PLCH1: variants seen among roughly 807,000 people sequenced by gnomAD.
The protein encoded by PLCH1 is phospholipase C eta 1.
PLCH1 carries 60 observed loss-of-function variants against 126.7 expected under a neutral mutation model. The observed-to-expected ratio is 0.47, with a 90% confidence interval of 0.38 to 0.59. The LOEUF is 0.59. Ranked by LOEUF, PLCH1 falls within the 20% of genes least tolerant of loss-of-function variation. The pLI is 0.00. For synonymous variants in PLCH1, 719 were observed against 734.9 expected, an observed-to-expected ratio of 0.98 and a Z score of 0.35; for missense variants, 1,723 against 2,040.0, an observed-to-expected ratio of 0.84 and a Z score of 2.99.
Position 155,673,342 on chromosome 3 carries a change from G to A in PLCH1, c.79+30804C>T, listed in dbSNP as rs550749160. On this transcript the variant is annotated intron_variant, in intron 2 of 22. Coordinates refer to ENST00000460012, the MANE Select transcript of PLCH1 (RefSeq NM_014996.4). ...CTATACCAGAAGTTACTACAAGAGA[G>A]CTAAGTTCTTTTTATTCATCTTCAT... 1.4e-4 allele frequency among the ~76,000 whole-genome samples: 22 copies of A among 152,078 alleles called. No homozygotes were observed. The South Asian group carries it at 4.4e-3, about 30-fold the overall frequency.
chr3:155,606,840 A>G (rs1734430325), intron 2 of PLCH1, among the ~76,000 whole-genome samples: 2 of 152,348 alleles, frequency 1.3e-5, no homozygotes, highest in South Asian at 4.1e-4. Context: ...TAGAGAACCT[A>G]GGATTCAATA....
intron 2 of PLCH1, among the ~76,000 whole-genome samples, chr3:155,702,405 C>T (rs1459129943): frequency 6.6e-6 from 1 of 152,014 alleles, no homozygotes; most frequent in Non-Finnish European, 1.5e-5. Flanking sequence ...TGGAATTAGG[C>T]AGATCAGGAT....
intron 21 of PLCH1, among the ~76,000 whole-genome samples, chr3:155,473,837 A>G (rs1713397452): frequency 6.6e-6 from 1 of 151,326 alleles, no homozygotes; most frequent in Admixed American, 6.6e-5. Flanking sequence ...AGGATTCCCT[A>G]TTTAATAAAT....
chr3:155,458,552 AAG>A (rs1712582662), intron 21 of PLCH1, among the ~76,000 whole-genome samples: 1 of 136,844 alleles, frequency 7.3e-6, no homozygotes, highest in Admixed American at 6.9e-5. Flanking sequence ...AAAAGAAAGA[AAG>A]AGAAAAAGAA....
At chr3:155,547,837 CAACGAGAACACA>C (rs1317695576) in intron 10 of PLCH1, among the ~76,000 whole-genome samples, 1 of 134,748 alleles carries the variant, frequency 7.4e-6, no homozygotes, top group Non-Finnish European at 1.5e-5. Flanking sequence ...GGGAATTGAA[CAACGAGAACACA>C]TGGACACAGG....
intron 1 of PLCH1, among the ~76,000 whole-genome samples, chr3:155,732,379 T>C (rs1748835214): frequency 6.6e-6 from 1 of 151,816 alleles, no homozygotes; most frequent in African/African-American, 2.4e-5. Flanking sequence ...AGACTATTAC[T>C]AGATACAATT....
At chr3:155,716,661 C>T (rs1356825586) in intron 1 of PLCH1, among the ~76,000 whole-genome samples, 1 of 152,174 alleles carries the variant, frequency 6.6e-6, no homozygotes, top group Non-Finnish European at 1.5e-5. Context: ...AGCACCAAGG[C>T]ATGACAGCAC....
chr3:155,730,046 A>G (rs1170366899), intron 1 of PLCH1, among the ~76,000 whole-genome samples: 1 of 152,184 alleles, frequency 6.6e-6, no homozygotes, highest in Non-Finnish European at 1.5e-5. Context: ...ATTTTAACCT[A>G]AGATACTGGT....
chr3:155,456,146 T>G (rs17388692), intron 21 of PLCH1, among the ~76,000 whole-genome samples: 3,643 of 152,268 alleles, frequency 0.024, 68 homozygotes, highest in Non-Finnish European at 0.035. Flanking sequence ...GACCTCCTTC[T>G]CAAAATACTT....
chr3:155,690,767 G>A (rs1048361697), intron 2 of PLCH1, among the ~76,000 whole-genome samples: 1 of 152,114 alleles, frequency 6.6e-6, no homozygotes, highest in Non-Finnish European at 1.5e-5. Flanking sequence ...TGGAGAATAG[G>A]ACAAATTCCT....
intron 14 of PLCH1, 110 bp from the exon 15 acceptor site, chr3:155,497,527 C>T (rs1717230214): frequency 1.3e-6 from 1 of 758,078 alleles, no homozygotes; most frequent in South Asian, 1.6e-5. Context: ...GGAATACCTG[C>T]CCCAGGTCCT....
At chr3:155,669,898 T>G (rs1262386903) in intron 2 of PLCH1, among the ~76,000 whole-genome samples, 11 of 152,200 alleles carry the variant, frequency 7.2e-5, no homozygotes, top group African/African-American at 2.7e-4. Context: ...CATAAAAGTT[T>G]AATTTCTTTA....
chr3:155,615,383 T>C (rs1321515877), intron 2 of PLCH1, among the ~76,000 whole-genome samples: 1 of 152,152 alleles, frequency 6.6e-6, no homozygotes, highest in Non-Finnish European at 1.5e-5. Flanking sequence ...TGGAGATTCC[T>C]TAAAGAACAA....
chr3:155,522,702 T>TTC (rs1331767472), intron 11 of PLCH1, among the ~76,000 whole-genome samples: 2 of 100,504 alleles, frequency 2.0e-5, no homozygotes, highest in African/African-American at 3.9e-5. Context: ...TATACAAAAT[T>TTC]TCTCTCTCTT....
chr3:155,474,897 A>G (rs1713460682), downstream of PLCH1, among the ~76,000 whole-genome samples: 1 of 123,610 alleles, frequency 8.1e-6, no homozygotes, highest in African/African-American at 3.2e-5. Context: ...TGGACACAGG[A>G]AGGGGAATAT....
Position 155,566,249 on chromosome 3 carries a change from A to ATG in PLCH1, c.866-1132_866-1131insCA, listed in dbSNP as rs1728445768. On this transcript the variant is annotated intron_variant, in intron 7 of 22. Coordinates refer to ENST00000460012, the MANE Select transcript of PLCH1 (RefSeq NM_014996.4). ...TATACACATATATATACATATATAT[A>ATG]CGTATATATACACATATATATACAT... Among the ~76,000 whole-genome samples, 3 of 95,444 alleles carry ATG rather than the reference A, an allele frequency of 3.1e-5. 1 individual carries two copies. The highest frequency in any genetic ancestry group is 6.1e-5 in the Non-Finnish European group (3 of 49,328). The allele number at this position is 95,444 out of a possible 152,430, so 62.6% of individuals were successfully genotyped here.
At chr3:155,471,762 G>A (rs1435198973) in intron 21 of PLCH1, among the ~76,000 whole-genome samples, 9 of 151,836 alleles carry the variant, frequency 5.9e-5, no homozygotes, top group Non-Finnish European at 1.5e-5. Context: ...TAGAACTCAG[G>A]ATTAAGAATC....
chr3:155,503,477 ATTTGTACTTTTTCCTC>A (rs1456413793), intron 13 of PLCH1, among the ~76,000 whole-genome samples: 1 of 150,388 alleles, frequency 6.6e-6, no homozygotes, highest in Non-Finnish European at 1.5e-5. Flanking sequence ...ATCAATGGAC[ATTTGTACTTTTTCCTC>A]TTTGTACTAT....
At chr3:155,528,417 C>T (rs1391899358) in intron 10 of PLCH1, among the ~76,000 whole-genome samples, 1 of 151,896 alleles carries the variant, frequency 6.6e-6, no homozygotes, top group East Asian at 1.9e-4. Flanking sequence ...ATGGCAGCAC[C>T]AGAAATAAGG....
Sources: allele counts gnomAD v4.1 joint callset (sites outside exome capture counted in the v4.1 genomes callset), GRCh38; gene constraint gnomAD v4.1.1; transcripts MANE v1.5; gene names NCBI Gene and HGNC (gene_info 2026-07-23, HGNC 2026-07-21).